UTP18: variants seen among roughly 807,000 people sequenced by gnomAD.
UTP18 encodes U3 small nucleolar RNA-associated protein 18 homolog.
Under a neutral mutation model 61.1 loss-of-function variants are expected in UTP18, and 36 were observed. That is an observed-to-expected ratio of 0.59 (90% CI 0.45 to 0.78). The LOEUF (loss-of-function observed/expected upper bound fraction) is 0.78, where lower values mean the gene tolerates loss of function less well. UTP18 is among the 30% of genes least tolerant of loss of function. The probability of loss-of-function intolerance (pLI) is 0.00; values close to 1 mark genes in which losing one functional copy is unlikely to be tolerated. For missense variants in UTP18, 753 were observed against 693.9 expected (o/e 1.09, Z -0.96); for synonymous variants, 282 against 251.1 (o/e 1.12, Z -1.16).
chr17:51,280,556 G>A (rs1904880933), intron 9 of UTP18, 77 bp downstream of exon 9: 1 of 1,388,748 alleles, frequency 7.2e-7, no homozygotes. Context: ...GCTCACGTGT[G>A]TAATCCCACC....
intron 1 of UTP18, among the ~76,000 whole-genome samples, 176 bp downstream of exon 1, chr17:51,261,102 C>G (rs2144377037): frequency 6.6e-6 from 1 of 152,368 alleles, no homozygotes; most frequent in East Asian, 1.9e-4. Flanking sequence ...CCTCCCTGCT[C>G]CAGACTGAAA....
At chr17:51,270,039 A>G (rs891087804) in intron 4 of UTP18, among the ~76,000 whole-genome samples, 10 of 152,112 alleles carry the variant, frequency 6.6e-5, no homozygotes, top group Non-Finnish European at 1.5e-4. Flanking sequence ...TATTTTTAGT[A>G]GAATCGGGGT....
At chr17:51,275,832 C>A (rs781772564) in intron 5 of UTP18, 34 bp from the exon 6 acceptor site, 4 of 1,544,270 alleles carry the variant, frequency 2.6e-6, no homozygotes, top group Admixed American at 2.1e-5. Context: ...TTATTCATTT[C>A]AATTGATAAA....
Position 51,287,083 on chromosome 17 carries a change from C to A in UTP18, c.1329-946C>A, listed in dbSNP as rs538156038. 1.6e-4 allele frequency among the ~76,000 whole-genome samples: 24 copies of A among 149,644 alleles called. No homozygotes were observed. In the South Asian group the frequency reaches 3.6e-3, roughly 22 times the overall value. ...CCTCTATATGGGGCAAGAAAAACTGCGCAGAAATGATCTTCACTCAGATTT... is the reference window on the plus strand; with the variant it reads ...CCTCTATATGGGGCAAGAAAAACTGAGCAGAAATGATCTTCACTCAGATTT... On this transcript the variant is annotated intron_variant, in intron 10 of 13. Coordinates refer to ENST00000225298, the MANE Select transcript of UTP18 (RefSeq NM_016001.3).
chr17:51,277,733 G>A lies in UTP18; in HGVS notation c.1012+429G>A, dbSNP rs532038169. 3.9e-5 allele frequency among the ~76,000 whole-genome samples: 6 copies of A among 152,222 alleles called. No homozygotes were observed. In the East Asian group the frequency reaches 9.6e-4, roughly 24 times the overall value. On this transcript the variant is annotated intron_variant, in intron 7 of 13. Coordinates refer to ENST00000225298, the MANE Select transcript of UTP18 (RefSeq NM_016001.3). ...ATAAAATTTTGATTTATATTTAAAG[G>A]GAATAAAGCACTGCTTTTGGAGGTA...
chr17:51,276,720 A>C (rs1904733329), intron 6 of UTP18, among the ~76,000 whole-genome samples: 1 of 152,192 alleles, frequency 6.6e-6, no homozygotes, highest in Admixed American at 6.5e-5. Flanking sequence ...CTGCTCTTGG[A>C]TAGGGTATCC....
Position 51,296,968 on chromosome 17 carries a change from G to A in UTP18, c.1650G>A (p.Leu550=). 1 of 1,605,720 alleles carries A rather than the reference G, an allele frequency of 6.2e-7. No homozygotes were observed. Among genetic ancestry groups the A allele is most frequent in the Non-Finnish European group, 8.5e-7 (1 of 1,176,948 alleles). Residue 550 remains leucine, a synonymous_variant, in exon 13 of 14, where the codon TTG becomes TTA. Coordinates refer to ENST00000225298, the MANE Select transcript of UTP18 (RefSeq NM_016001.3). ...GACTTATTTTTTACTTTTCCAGGTT[G>A]CACCATTACTCAGACTTCTAAAGAG... The part of the protein sequence containing the change: ...NEKGKALMYR[L]HHYSDF
rs747351139 is a variant in UTP18, at chr17:51,260,621, C to G, written c.37C>G (p.Arg13Gly). Residue 13 changes from arginine to glycine, a missense_variant, in exon 1 of 14, where the codon CGG becomes GGG. Arg to Gly is a moderately radical substitution (Grantham distance 125). Coordinates refer to ENST00000225298, the MANE Select transcript of UTP18 (RefSeq NM_016001.3). ...PERRRRMKLD[R>G]RTGAKPKRKP... is the part of the protein sequence containing the mutation. ...GCGGAGGAGACGAATGAAACTGGAC[C>G]GGAGAACCGGAGCGAAGCCGAAGCG... is the stretch of plus-strand genomic sequence containing the variant. 6 of 1,612,502 alleles carry G rather than the reference C, an allele frequency of 3.7e-6. No individual in the cohort carries two copies. The African/African-American group carries it at 5.3e-5, about 14-fold the overall frequency.
chr17:51,261,066 G>C, intron 1 of UTP18, 140 bp downstream of exon 1: 1 of 753,626 alleles, frequency 1.3e-6, no homozygotes, highest in African/African-American at 1.9e-5. Flanking sequence ...ACGCGGGCGC[G>C]GAGGGTCGCA....
At position 51,268,693 on chromosome 17, in the gene UTP18, T is replaced by C; in HGVS notation, c.555-144T>C. The C allele has an allele frequency of 4.5e-6, 3 of 662,986 alleles. No individual in the cohort carries two copies. In the East Asian group the frequency reaches 9.1e-5, roughly 20 times the overall value. 41.1% of individuals were successfully genotyped at this position (662,986 alleles called of 1,614,324 possible). ...GTTCTGTGTGAGTAAAGATAATAAC[T>C]TCTGTTCTTAAAGATAGTTACTTCT... On this transcript the variant is annotated intron_variant, in intron 3 of 13. Coordinates refer to ENST00000225298, the MANE Select transcript of UTP18 (RefSeq NM_016001.3).
chr17:51,260,558 C>G lies in UTP18; in HGVS notation c.-27C>G. On this transcript the variant is annotated 5_prime_UTR_variant, in exon 1 of 14. Coordinates refer to ENST00000225298, the MANE Select transcript of UTP18 (RefSeq NM_016001.3). ...CATGCGCAGCGAGGTTCCACGTGAG[C>G]GCCTGCGTTTCTCCTCAAACCTAAC... The G allele has an allele frequency of 1.9e-6, 3 of 1,597,292 alleles. No homozygotes were observed. The highest frequency in any genetic ancestry group is 2.6e-6 in the Non-Finnish European group (3 of 1,173,780).
chr17:51,266,248 G>T lies in UTP18; in HGVS notation c.522G>T (p.Ser174=), dbSNP rs559045480. 4 of 1,600,036 alleles carry T rather than the reference G, an allele frequency of 2.5e-6. No homozygotes were observed. The South Asian group carries it at 4.5e-5, about 18-fold the overall frequency. Residue 174 remains serine (S), a synonymous_variant, in exon 3 of 14, where the codon TCG becomes TCT. Transcript: ENST00000225298. ...MMKNASESKL[S]KDNLKKRLKE... The stretch of plus-strand genomic sequence containing the variant: ...AAAATGCTAGTGAAAGTAAACTTTC[G>T]AAAGACAACCTTAAAAAGAGACTTA...
intron 12 of UTP18, among the ~76,000 whole-genome samples, chr17:51,294,696 A>C (rs1905317988): frequency 6.6e-6 from 1 of 152,130 alleles, no homozygotes; most frequent in African/African-American, 2.4e-5. Flanking sequence ...AGCATGATTT[A>C]TAATCCTTTG....
chr17:51,275,646 A>G (rs1019389020), intron 5 of UTP18, among the ~76,000 whole-genome samples: 3 of 152,148 alleles, frequency 2.0e-5, no homozygotes, highest in Non-Finnish European at 2.9e-5. Context: ...TTTATTTGAA[A>G]GATGGTAAAA....
intron 5 of UTP18, 22 bp downstream of exon 5, chr17:51,273,472 G>C (rs779472821): frequency 6.4e-7 from 1 of 1,574,614 alleles, no homozygotes; most frequent in Non-Finnish European, 8.7e-7. Flanking sequence ...TGAAGTTGGG[G>C]GATCCTATCT....
At chr17:51,290,486 T>C (rs968062614) in intron 11 of UTP18, among the ~76,000 whole-genome samples, 5 of 152,170 alleles carry the variant, frequency 3.3e-5, no homozygotes, top group African/African-American at 1.2e-4. Context: ...TAGCATTTTA[T>C]TGCTATGCTG....
chr17:51,261,320 A>T (rs1292032091), intron 1 of UTP18, among the ~76,000 whole-genome samples: 2 of 152,182 alleles, frequency 1.3e-5, no homozygotes, highest in East Asian at 1.9e-4. Flanking sequence ...ATTCGTGGGC[A>T]CGGGCCTGGG....
Position 51,260,879 on chromosome 17 carries a change from G to A in UTP18, c.295G>A (p.Val99Ile), listed in dbSNP as rs1254163490. 3 of 1,601,090 alleles carry A rather than the reference G, an allele frequency of 1.9e-6. No homozygotes were observed. The highest frequency in any genetic ancestry group is 2.6e-6 in the Non-Finnish European group (3 of 1,174,888). Residue 99 changes from valine to isoleucine, a missense_variant, in exon 1 of 14, where the codon GTC (valine) becomes ATC (isoleucine). Transcript: ENST00000225298. ...RCLEELVFGD[V>I]ENDEDALLRR... is the part of the protein sequence containing the mutation. ...CTTGGAGGAGCTGGTCTTCGGCGAC[G>A]TCGAGAACGACGAGGACGCGTTGCT...
intron 4 of UTP18, 41 bp from the exon 5 acceptor site, chr17:51,273,321 A>G (rs766144701): frequency 1.3e-6 from 2 of 1,517,158 alleles, no homozygotes; most frequent in Non-Finnish European, 1.8e-6. Context: ...GGGGCAGCTC[A>G]TTGATTCTAA....
Sources: allele counts gnomAD v4.1 joint callset (sites outside exome capture counted in the v4.1 genomes callset), GRCh38; gene constraint gnomAD v4.1.1; transcripts MANE v1.5; gene names NCBI Gene and HGNC (gene_info 2026-07-23, HGNC 2026-07-21).